NOL4: variants seen among roughly 807,000 people sequenced by gnomAD.
The protein encoded by NOL4 is nucleolar protein 4, also known as cancer/testis antigen 125.
In NOL4, 17 loss-of-function variants were observed where a neutral mutation model predicts 75.9. That is an observed-to-expected ratio of 0.22 (90% CI 0.15 to 0.34). The LOEUF (loss-of-function observed/expected upper bound fraction) is 0.34, where lower values mean the gene tolerates loss of function less well. Ranked by LOEUF, NOL4 falls within the 10% of genes least tolerant of loss-of-function variation. The pLI is 1.00. For missense variants in NOL4, 614 were observed against 793.5 expected (o/e 0.77, Z 2.72); for synonymous variants, 292 against 289.9 (o/e 1.01, Z -0.07).
chr18:34,002,175 G>A (rs997924053), intron 6 of NOL4, among the ~76,000 whole-genome samples: 8 of 152,086 alleles, frequency 5.3e-5, no homozygotes, highest in South Asian at 2.1e-4. Flanking sequence ...ACTACTCATA[G>A]TAGTGACAAT....
chr18:33,864,842 C>A (rs1281791885), intron 10 of NOL4, among the ~76,000 whole-genome samples: 2 of 152,130 alleles, frequency 1.3e-5, no homozygotes, highest in Non-Finnish European at 2.9e-5. Context: ...ATGGCAGAAG[C>A]AGAAGTTAAC....
At chr18:34,015,520 A>T (rs2074634259) in intron 6 of NOL4, among the ~76,000 whole-genome samples, 1 of 151,926 alleles carries the variant, frequency 6.6e-6, no homozygotes, top group African/African-American at 2.4e-5. Flanking sequence ...CTCCTTGGGT[A>T]TATGTTTCTC....
chr18:33,960,218 A>T (rs1448262713), intron 6 of NOL4, among the ~76,000 whole-genome samples: 1 of 152,046 alleles, frequency 6.6e-6, no homozygotes, highest in Non-Finnish European at 1.5e-5. Flanking sequence ...TGCTTCATAC[A>T]CAGTTTTGCT....
At chr18:34,191,538 C>T (rs184370304) in intron 1 of NOL4, among the ~76,000 whole-genome samples, 70 of 152,196 alleles carry the variant, frequency 4.6e-4, no homozygotes, top group African/African-American at 1.6e-3. Flanking sequence ...TTGTCATCCA[C>T]GTCATGATAA....
At chr18:33,885,933 G>T (rs529177359) in intron 9 of NOL4, among the ~76,000 whole-genome samples, 1 of 152,106 alleles carries the variant, frequency 6.6e-6, no homozygotes, top group Non-Finnish European at 1.5e-5. Flanking sequence ...GTCCATCAAA[G>T]GATGAATGAA....
At chr18:33,853,504 A>C (rs2062709913) in intron 10 of NOL4, among the ~76,000 whole-genome samples, 2 of 152,146 alleles carry the variant, frequency 1.3e-5, no homozygotes, top group South Asian at 4.1e-4. Flanking sequence ...TCAACTTAGC[A>C]AAAAGGAAAC....
intron 6 of NOL4, among the ~76,000 whole-genome samples, chr18:33,987,475 C>T (rs2072551413): frequency 6.6e-6 from 1 of 152,014 alleles, no homozygotes; most frequent in African/African-American, 2.4e-5. Context: ...TTATGGTTTG[C>T]ACAATAATGA....
Position 34,154,805 on chromosome 18 carries a change from A to G in NOL4, c.265-24785T>C, listed in dbSNP as rs559952480. Reference sequence around the variant, plus strand: ...CATTCTGATTGCTCAACATTCTCACAAACTCTTTGGAATGGCATTCTCTTT... The same window carrying G: ...CATTCTGATTGCTCAACATTCTCACGAACTCTTTGGAATGGCATTCTCTTT... On this transcript the variant is annotated intron_variant, in intron 1 of 10. Coordinates refer to ENST00000261592, the MANE Select transcript of NOL4 (RefSeq NM_003787.5). Among the ~76,000 whole-genome samples, 4 of 152,084 alleles carry G rather than the reference A, an allele frequency of 2.6e-5. No homozygotes were observed. The East Asian group carries it at 7.7e-4, about 29-fold the overall frequency.
At chr18:33,868,649 TCACACACACACACA>T (rs10669407) in intron 10 of NOL4, among the ~76,000 whole-genome samples, 45 of 137,958 alleles carry the variant, frequency 3.3e-4, no homozygotes, top group Middle Eastern at 3.7e-3. Flanking sequence ...TTCCTGTATT[TCACACACACACACA>T]CACACACACA....
chr18:34,083,808 CA>C (rs2078120048), intron 5 of NOL4, among the ~76,000 whole-genome samples: 1 of 152,124 alleles, frequency 6.6e-6, no homozygotes, highest in Non-Finnish European at 1.5e-5. Context: ...AGGAAGAATT[CA>C]CAGGCCTCAG....
chr18:34,135,932 T>C (rs556798999), intron 1 of NOL4, among the ~76,000 whole-genome samples: 1 of 151,888 alleles, frequency 6.6e-6, no homozygotes, highest in African/African-American at 2.4e-5. Flanking sequence ...GATACAAAAA[T>C]CCTCAATAAA....
chr18:34,002,263 G>A (rs1380219063), intron 6 of NOL4, among the ~76,000 whole-genome samples: 1 of 151,770 alleles, frequency 6.6e-6, no homozygotes, highest in Non-Finnish European at 1.5e-5. Context: ...TTTTTTTCCA[G>A]TAGCCCCCCC....
At chr18:34,184,359 C>G (rs545886016) in intron 1 of NOL4, among the ~76,000 whole-genome samples, 55 of 151,902 alleles carry the variant, frequency 3.6e-4, no homozygotes, top group African/African-American at 1.3e-3. Context: ...AAGCATGAAT[C>G]AATTTCAAAT....
chr18:34,073,372 T>C (rs1489419150), intron 5 of NOL4, among the ~76,000 whole-genome samples: 1 of 151,930 alleles, frequency 6.6e-6, no homozygotes, highest in African/African-American at 2.4e-5. Flanking sequence ...GAACTGGTAC[T>C]CCCATGGATA....
Position 33,883,365 on chromosome 18 carries a change from T to C in NOL4, c.1602A>G (p.Ser534=). 6.2e-7 allele frequency: 1 copy of C among 1,613,266 alleles called. No individual in the cohort carries two copies. Among genetic ancestry groups the C allele is most frequent in the Non-Finnish European group, 8.5e-7 (1 of 1,179,576 alleles). ...CKPEATQATY[S]TSAVPGSQDV... ...CCTGTGAGCCTGGAACAGCTGATGTTGAGTAAGTGGCCTGGGTCGCCTCTG... is the reference window on the plus strand; with the variant it reads ...CCTGTGAGCCTGGAACAGCTGATGTCGAGTAAGTGGCCTGGGTCGCCTCTG... Residue 534 remains serine, a synonymous_variant, in exon 10 of 11, where the codon TCA becomes TCG. Coordinates refer to ENST00000261592, the MANE Select transcript of NOL4 (RefSeq NM_003787.5).
At chr18:33,915,874 C>T (rs142224716) in intron 9 of NOL4, among the ~76,000 whole-genome samples, 30 of 152,214 alleles carry the variant, frequency 2.0e-4, no homozygotes, top group South Asian at 8.3e-4. Context: ...CTCTGAGTCA[C>T]GCACTAGGTT....
chr18:33,870,569 G>C (rs1454448211), intron 10 of NOL4, among the ~76,000 whole-genome samples: 1 of 151,918 alleles, frequency 6.6e-6, no homozygotes, highest in Non-Finnish European at 1.5e-5. Flanking sequence ...TGTAAACATG[G>C]AGAGCTGAGT....
intron 5 of NOL4, among the ~76,000 whole-genome samples, chr18:34,082,021 G>A (rs2078032532): frequency 6.6e-6 from 1 of 151,966 alleles, no homozygotes; most frequent in African/African-American, 2.4e-5. Context: ...CATGATAATA[G>A]GAAGTTACAG....
chr18:34,052,647 A>C (rs999597216), intron 5 of NOL4, among the ~76,000 whole-genome samples: 1 of 152,094 alleles, frequency 6.6e-6, no homozygotes, highest in Non-Finnish European at 1.5e-5. Flanking sequence ...CAGAAAAATA[A>C]GATAGTATTT....
Sources: allele counts gnomAD v4.1 joint callset (sites outside exome capture counted in the v4.1 genomes callset), GRCh38; gene constraint gnomAD v4.1.1; transcripts MANE v1.5; gene names NCBI Gene and HGNC (gene_info 2026-07-23, HGNC 2026-07-21).